Variants in ECE2 observed in about 807,000 individuals in gnomAD.
The protein encoded by ECE2 is endothelin converting enzyme 2, also known as endothelin-converting enzyme 2.
ECE2 carries 81 observed loss-of-function variants against 100.6 expected under a neutral mutation model. That is an observed-to-expected ratio of 0.81 (90% CI 0.67 to 0.97). The LOEUF is 0.97. ECE2 is among the 50% of genes least tolerant of loss of function. ECE2 has a pLI of 0.00. For missense variants in ECE2, 911 were observed against 988.1 expected (o/e 0.92, Z 1.05); for synonymous variants, 391 against 391.5 (o/e 1.00, Z 0.02).
intron 10 of ECE2, 117 bp from the exon 11 acceptor site, chr3:184,287,720 C>A: frequency 3.5e-6 from 3 of 860,646 alleles, no homozygotes; most frequent in East Asian, 2.5e-5. Context: ...TGGCACTGAG[C>A]AAACCCAGGA....
intron 8 of ECE2, 150 bp from the exon 9 acceptor site, chr3:184,284,812 TG>T: frequency 9.6e-7 from 1 of 1,038,376 alleles, no homozygotes; most frequent in Non-Finnish European, 1.4e-6. Flanking sequence ...TGTCCAGGCC[TG>T]GAAAAGGGTA....
chr3:184,287,414 G>C (rs569129480), intron 10 of ECE2, among the ~76,000 whole-genome samples: 2 of 152,026 alleles, frequency 1.3e-5, no homozygotes, highest in Non-Finnish European at 2.9e-5. Flanking sequence ...GTTGTGGGCC[G>C]GGCACGGTGG....
rs764916642 is a variant in ECE2 at position 184,285,447 on chromosome 3, C to T, written c.1149-31C>T. 3.2e-6 allele frequency: 5 copies of T among 1,540,728 alleles called. No homozygotes were observed. The South Asian group carries it at 5.6e-5, about 17-fold the overall frequency. ...AGGGGTGTGAAGGGCATCCCACCTG[C>T]CCTTTTCTTATTTTCTGGTCTGGTT... On this transcript the variant is annotated intron_variant, in intron 9 of 18. Transcript: ENST00000404464.
In ECE2 at chr3:184,289,286, T is replaced by G; in HGVS notation, c.1375-151T>G. The stretch of plus-strand genomic sequence containing the variant: ...CAGTACCTTTACAAATGGTGTTTCC[T>G]TCTCATCGTCTCCAGGTGCTCAGCC... On this transcript the variant is annotated intron_variant, in intron 11 of 18. Transcript: ENST00000404464. The surrounding 1 kb of genome is among the most constrained non-coding windows in gnomAD (Gnocchi z 4.1). 1 of 660,388 alleles carries G rather than the reference T, an allele frequency of 1.5e-6. No individual in the cohort carries two copies. The allele number at this position is 660,388 out of a possible 1,614,324, so 40.9% of individuals were successfully genotyped here.
At chr3:184,276,340 GC>G (rs1720547408) in intron 1 of ECE2, 140 bp from the exon 2 acceptor site, 7 of 1,392,762 alleles carry the variant, frequency 5.0e-6, no homozygotes, top group South Asian at 1.4e-5. Context: ...GAGACCCCGG[GC>G]CCGAGAGCAG....
chr3:184,285,666 C>T, intron 10 of ECE2, 74 bp downstream of exon 10: 3 of 1,134,942 alleles, frequency 2.6e-6, no homozygotes, highest in Admixed American at 3.5e-5. Context: ...GTGACAGGCA[C>T]CATGTGCCTC....
At chr3:184,279,604 C>T (rs889636416) in intron 7 of ECE2, among the ~76,000 whole-genome samples, 3 of 148,218 alleles carry the variant, frequency 2.0e-5, no homozygotes, top group Non-Finnish European at 3.0e-5. Context: ...TTGCAGTGAG[C>T]TGAGATGGCA....
intron 13 of ECE2, among the ~76,000 whole-genome samples, 156 bp from the exon 14 acceptor site, chr3:184,290,099 T>C (rs1170590113): frequency 6.6e-6 from 1 of 152,204 alleles, no homozygotes; most frequent in Non-Finnish European, 1.5e-5. Context: ...ACCCATAACA[T>C]AAATGGCCTT....
At chr3:184,276,763 G>A in intron 2 of ECE2, 129 bp from the exon 3 acceptor site, 1 of 1,559,530 alleles carries the variant, frequency 6.4e-7, no homozygotes, top group Non-Finnish European at 8.7e-7. Context: ...CAACTCACTG[G>A]CTGGCCTCAT....
In ECE2 at chr3:184,290,748, G is replaced by A. The variant is rs755459984; in HGVS notation, c.1767-45G>A. On this transcript the variant is annotated intron_variant, in intron 15 of 18. Coordinates refer to ENST00000404464, the MANE Select transcript of ECE2 (RefSeq NM_001100121.2). ...GGAGCAGGGCTGGAGGTGGGATTCAGAAGTACCCCCGCCATGTCCTCACTT... is the reference window on the plus strand; with the variant it reads ...GGAGCAGGGCTGGAGGTGGGATTCAAAAGTACCCCCGCCATGTCCTCACTT... The A allele has an allele frequency of 5.6e-6, 9 of 1,612,978 alleles. No individual in the cohort carries two copies. In the Admixed American group the frequency reaches 1.3e-4, roughly 24 times the overall value.
At chr3:184,279,372 G>A (rs962568208) in intron 7 of ECE2, among the ~76,000 whole-genome samples, 1 of 150,026 alleles carries the variant, frequency 6.7e-6, no homozygotes, top group African/African-American at 2.4e-5. Context: ...AAGTGTTGAT[G>A]AGGCTGAGCA....
intron 7 of ECE2, among the ~76,000 whole-genome samples, chr3:184,282,007 G>A (rs1398913611): frequency 3.9e-5 from 6 of 152,240 alleles, no homozygotes; most frequent in African/African-American, 1.4e-4. Context: ...GCTGAGGCAG[G>A]AGAATCGCTT....
intron 10 of ECE2, among the ~76,000 whole-genome samples, chr3:184,286,172 G>A (rs1721029249): frequency 6.6e-6 from 1 of 152,112 alleles, no homozygotes; most frequent in Non-Finnish European, 1.5e-5. Context: ...AGAAAGCCGG[G>A]GAGAAGGGCA....
intron 13 of ECE2, 85 bp from the exon 14 acceptor site, chr3:184,290,170 A>T (rs1721243003): frequency 9.4e-7 from 1 of 1,068,870 alleles, no homozygotes; most frequent in Non-Finnish European, 1.4e-6. Context: ...AGGTTTGGAG[A>T]GATACTAATG....
chr3:184,278,702 TCTTTTCTTCCTC>T (rs1720684859), intron 7 of ECE2, 145 bp downstream of exon 7: 1 of 182,530 alleles, frequency 5.5e-6, no homozygotes, highest in Non-Finnish European at 8.8e-6. Context: ...CTTTCTTTCT[TCTTTTCTTCCTC>T]CCTCCCTCCC....
chr3:184,282,278 A>T (rs1209741289), intron 7 of ECE2, among the ~76,000 whole-genome samples: 1 of 152,206 alleles, frequency 6.6e-6, no homozygotes, highest in Admixed American at 6.5e-5. Context: ...TCTTCCTCTG[A>T]TGCCAGCAGC....
chr3:184,291,372 G>C lies in ECE2; in HGVS notation c.2054G>C (p.Gly685Ala). The C allele has an allele frequency of 3.7e-6, 6 of 1,609,152 alleles. No homozygotes were observed. The highest frequency in any genetic ancestry group is 5.1e-6 in the Non-Finnish European group (6 of 1,177,384). The change falls in exon 18 of 19, where the codon GGG becomes GCG. Residue 685 changes from glycine (G) to alanine (A), a missense_variant. Coordinates refer to ENST00000404464, the MANE Select transcript of ECE2 (RefSeq NM_001100121.2). The surrounding 1 kb of genome is among the most constrained non-coding windows in gnomAD (Gnocchi z 4.1). ...NAYKAWLRKH[G>A]EEQQLPAVGL... is the part of the protein sequence containing the mutation. ...TACAAAGCATGGCTGAGAAAGCATGGGGAGGAGCAGCAACTGCCAGCCGTG... is the reference window on the plus strand; with the variant it reads ...TACAAAGCATGGCTGAGAAAGCATGCGGAGGAGCAGCAACTGCCAGCCGTG...
At position 184,289,654 on chromosome 3, in the gene ECE2, A is replaced by G. The variant is rs751010459; in HGVS notation, c.1487A>G (p.Tyr496Cys). The change falls in exon 13 of 19, where the codon TAT (tyrosine) becomes TGT (cysteine). Residue 496 changes from tyrosine (Y) to cysteine (C), a missense_variant. Physicochemically the swap from Tyr to Cys is radical, Grantham distance 194 (BLOSUM62 -2). Transcript: ENST00000404464. This position sits in a 1 kb window ranked among gnomAD's most constrained non-coding sequence, Gnocchi z 4.1. ...TGGTCTCTTCAGGCAGATGCCATCTATGATATGATTGGTTTCCCAGACTTT... is the reference window on the plus strand; with the variant it reads ...TGGTCTCTTCAGGCAGATGCCATCTGTGATATGATTGGTTTCCCAGACTTT... The part of the protein sequence containing the change: ...QAAKEKADAI[Y>C]DMIGFPDFIL... The G allele has an allele frequency of 1.2e-6, 2 of 1,613,746 alleles. No individual in the cohort carries two copies. The highest frequency in any genetic ancestry group is 1.7e-6 in the Non-Finnish European group (2 of 1,179,810).
At chr3:184,282,871 A>G (rs1186180478) in intron 7 of ECE2, among the ~76,000 whole-genome samples, 1 of 152,208 alleles carries the variant, frequency 6.6e-6, no homozygotes, top group East Asian at 1.9e-4. Flanking sequence ...AGTCTGATGT[A>G]TGTCTGCAGA....
Sources: allele counts gnomAD v4.1 joint callset (sites outside exome capture counted in the v4.1 genomes callset), GRCh38; gene constraint gnomAD v4.1.1; non-coding constraint Gnocchi (gnomAD v3.1); transcripts MANE v1.5; gene names NCBI Gene and HGNC (gene_info 2026-07-23, HGNC 2026-07-21).